Variants in BZW1 observed in about 807,000 individuals in gnomAD.
BZW1 encodes basic leucine zipper and W2 domains 1.
A neutral mutation model predicts 54.1 loss-of-function variants in BZW1; 3 were observed. The ratio of observed to expected loss-of-function variants is 0.06; its 90% CI spans 0.03 to 0.14. The LOEUF is 0.14. BZW1 is among the 10% of genes least tolerant of loss of function. The pLI is 1.00. For synonymous variants in BZW1, 152 were observed against 162.7 expected, an observed-to-expected ratio of 0.93 and a Z score of 0.50; for missense variants, 206 against 491.7, an observed-to-expected ratio of 0.42 and a Z score of 5.50.
intron 5 of BZW1, among the ~76,000 whole-genome samples, chr2:200,816,606 C>G (rs190107852): frequency 1.3e-5 from 2 of 152,308 alleles, no homozygotes; most frequent in East Asian, 3.9e-4. Context: ...ATTCTCGTGC[C>G]TCAGCCTCCC....
rs1167202119 is a variant in BZW1, at chr2:200,824,778, TCTC to T, written c.*2603_*2605del. 7.3e-5 allele frequency: 11 copies of T among 151,498 alleles called. No individual in the cohort carries two copies. Among genetic ancestry groups the T allele is most frequent in the African/African-American group, 2.4e-4 (10 of 41,206 alleles). The allele number at this position is 151,498 out of a possible 1,614,324, so 9.4% of individuals were successfully genotyped here. A position where few individuals can be genotyped will look rare whatever the true frequency, so the allele number is the denominator to read the frequency against. On this transcript the variant is annotated 3_prime_UTR_variant, in exon 12 of 12. Coordinates refer to ENST00000409600, the MANE Select transcript of BZW1 (RefSeq NM_001207067.2). Reference sequence around the variant, plus strand: ...GTTCCGCCTCCCGGGTTCACGCCATTCTCCTGCCTCAGCCTCCCGAGTAGCTGG... The same window carrying T: ...GTTCCGCCTCCCGGGTTCACGCCATTCTGCCTCAGCCTCCCGAGTAGCTGG...
chr2:200,821,764 G>A (rs753064201), intron 11 of BZW1, among the ~76,000 whole-genome samples: 1 of 152,060 alleles, frequency 6.6e-6, no homozygotes, highest in African/African-American at 2.4e-5. Context: ...AATAAAATTC[G>A]TTAACAGCTT....
At position 200,825,793 on chromosome 2, in the gene BZW1, T is replaced by C. The variant is rs2038674589; in HGVS notation, c.*3615T>C. The C allele has an allele frequency of 6.6e-6, 1 of 152,236 alleles. No individual in the cohort carries two copies. The highest frequency in any genetic ancestry group is 2.4e-5 in the African/African-American group (1 of 41,454). 9.4% of individuals were successfully genotyped at this position (152,236 alleles called of 1,614,324 possible). A position where few individuals can be genotyped will look rare whatever the true frequency, so the allele number is the denominator to read the frequency against. On this transcript the variant is annotated 3_prime_UTR_variant, in exon 12 of 12. Transcript: ENST00000409600. ...GGCTGCTTGCAGGAACTGACAACTA[T>C]TGGTTGGCTTTAAATGTAATGTAGA...
chr2:200,825,755 T>G lies in BZW1; in HGVS notation c.*3577T>G, dbSNP rs551560160. 1 of 152,274 alleles carries G rather than the reference T, an allele frequency of 6.6e-6. No individual in the cohort carries two copies. Among genetic ancestry groups the G allele is most frequent in the Non-Finnish European group, 1.5e-5 (1 of 68,050 alleles). 9.4% of individuals were successfully genotyped at this position (152,274 alleles called of 1,614,324 possible). A position where few individuals can be genotyped will look rare whatever the true frequency, so the allele number is the denominator to read the frequency against. On this transcript the variant is annotated 3_prime_UTR_variant, in exon 12 of 12. Transcript: ENST00000409600. ...GCATAACACTGATAAACCTCTGCTC[T>G]CATACTGAAGTAGGCTGCTTGCAGG... is the stretch of plus-strand genomic sequence containing the variant.
rs543598900 is a variant in BZW1 at position 200,817,654 on chromosome 2, A to T, written c.539-320A>T. Among the ~76,000 whole-genome samples, 371 of 151,012 alleles carry T rather than the reference A, an allele frequency of 2.5e-3. 1 individual carries two copies. Among genetic ancestry groups the T allele is most frequent in the South Asian group, 0.016 (75 of 4,768 alleles). ...ATTTTTTTGAAGCTTTTTTTTTTTT[A>T]AAAAACTGCTTGCAGTAGTGAGTAT... On this transcript the variant is annotated intron_variant, in intron 6 of 11. Transcript: ENST00000409600.
At chr2:200,822,096 A>G in intron 11 of BZW1, 51 bp from the exon 12 acceptor site, 21 of 1,512,006 alleles carry the variant, frequency 1.4e-5, no homozygotes, top group East Asian at 2.3e-5. Flanking sequence ...ATAAATGGGA[A>G]CTTTTGCCTT....
Position 200,821,094 on chromosome 2 carries a change from G to A in BZW1, c.1106-89G>A, listed in dbSNP as rs1302360034. On this transcript the variant is annotated intron_variant, in intron 10 of 11. Coordinates refer to ENST00000409600, the MANE Select transcript of BZW1 (RefSeq NM_001207067.2). ...TTTTTAGCTTTTCAGCAGTTTGTTTGCTAAGCAGGCATTTGCACATTAGGT... is the reference window on the plus strand; with the variant it reads ...TTTTTAGCTTTTCAGCAGTTTGTTTACTAAGCAGGCATTTGCACATTAGGT... 5.4e-6 allele frequency: 8 copies of A among 1,475,480 alleles called. No homozygotes were observed. In the African/African-American group the frequency reaches 9.9e-5, roughly 18 times the overall value. The allele number at this position is 1,475,480 out of a possible 1,614,324, so 91.4% of individuals were successfully genotyped here.
intron 6 of BZW1, among the ~76,000 whole-genome samples, chr2:200,817,564 T>C (rs1432290432): frequency 6.6e-6 from 1 of 151,960 alleles, no homozygotes; most frequent in African/African-American, 2.4e-5. Context: ...TTGGGGAAAA[T>C]GTCAAGCTGG....
At position 200,824,944 on chromosome 2, in the gene BZW1, T is replaced by C. The variant is rs1406548658; in HGVS notation, c.*2766T>C. The C allele has an allele frequency of 6.6e-6, 1 of 152,286 alleles. No homozygotes were observed. Among genetic ancestry groups the C allele is most frequent in the Admixed American group, 6.5e-5 (1 of 15,288 alleles). 9.4% of individuals were successfully genotyped at this position (152,286 alleles called of 1,614,324 possible). A position where few individuals can be genotyped will look rare whatever the true frequency, so the allele number is the denominator to read the frequency against. On this transcript the variant is annotated 3_prime_UTR_variant, in exon 12 of 12. Transcript: ENST00000409600. ...GCCTCAGCCTCCCAAAGTGCTGGGATTATGGGCTTGAGCCACCGCGCCCAG... is the reference window on the plus strand; with the variant it reads ...GCCTCAGCCTCCCAAAGTGCTGGGACTATGGGCTTGAGCCACCGCGCCCAG...
rs139532024 is a variant in BZW1 at position 200,812,783 on chromosome 2, C to T, written c.-10-425C>T. 43 of 703,598 alleles carry T rather than the reference C, an allele frequency of 6.1e-5. No homozygotes were observed. The East Asian group carries it at 8.6e-4, about 14-fold the overall frequency. The allele number at this position is 703,598 out of a possible 1,614,324, so 43.6% of individuals were successfully genotyped here. A position where few individuals can be genotyped will look rare whatever the true frequency, so the allele number is the denominator to read the frequency against. ...CAGGCTTGTCAGAAGAAGGGGTTCA[C>T]CTTTTGACAGTGTTTTAGAATTGGC... is the stretch of plus-strand genomic sequence containing the variant. On this transcript the variant is annotated intron_variant, in intron 1 of 11. Coordinates refer to ENST00000409600, the MANE Select transcript of BZW1 (RefSeq NM_001207067.2).
At chr2:200,817,276 CAG>C (rs750069702) in intron 6 of BZW1, 35 bp downstream of exon 6, 28 of 1,605,508 alleles carry the variant, frequency 1.7e-5, no homozygotes, top group Non-Finnish European at 2.2e-5. Flanking sequence ...TCAGTTGACT[CAG>C]AGTGGGGTGG....
rs1205450737 is a variant in BZW1 at position 200,823,920 on chromosome 2, C to T, written c.*1742C>T. On this transcript the variant is annotated 3_prime_UTR_variant, in exon 12 of 12. Coordinates refer to ENST00000409600, the MANE Select transcript of BZW1 (RefSeq NM_001207067.2). Reference sequence around the variant, plus strand: ...TATGTTGTGTGTTCAGATGTCTTTACTGTATCTGTATACCATTAAGTAATA... The same window carrying T: ...TATGTTGTGTGTTCAGATGTCTTTATTGTATCTGTATACCATTAAGTAATA... The T allele has an allele frequency of 6.6e-6, 1 of 151,848 alleles. No individual in the cohort carries two copies. The highest frequency in any genetic ancestry group is 2.4e-5 in the African/African-American group (1 of 41,274). The allele number at this position is 151,848 out of a possible 1,614,324, so 9.4% of individuals were successfully genotyped here.
In BZW1 at chr2:200,822,235, C is replaced by G; in HGVS notation, c.*57C>G. On this transcript the variant is annotated 3_prime_UTR_variant, in exon 12 of 12. Coordinates refer to ENST00000409600, the MANE Select transcript of BZW1 (RefSeq NM_001207067.2). The stretch of plus-strand genomic sequence containing the variant: ...AGGAGTTGTAGATAAAATGTCATGT[C>G]TCATGTGTCCTGGTTCTTACATCTT... The G allele has an allele frequency of 4.9e-6, 7 of 1,434,408 alleles. No individual in the cohort carries two copies. The highest frequency in any genetic ancestry group is 6.8e-6 in the Non-Finnish European group (7 of 1,035,826). 88.9% of individuals were successfully genotyped at this position (1,434,408 alleles called of 1,614,324 possible).
rs2038356676 is a variant in BZW1, at chr2:200,818,034, A to G, written c.599A>G (p.Asn200Ser). ...FKSWINEKDI[N>S]AVAASLRKVS... ...TCATGGATAAATGAAAAAGATATCA[A>G]TGCAGTAGCTGCAAGTCTTCGGAAA... Residue 200 changes from asparagine (N) to serine (S), a missense_variant, in exon 7 of 12, where the codon AAT (asparagine) becomes AGT (serine). Around this residue, in one of 5 missense-constraint regions of BZW1, gnomAD observed 81 missense variants for 257.1 expected, o/e 0.32. Coordinates refer to ENST00000409600, the MANE Select transcript of BZW1 (RefSeq NM_001207067.2). 3 of 1,555,192 alleles carry G rather than the reference A, an allele frequency of 1.9e-6. No homozygotes were observed. The highest frequency in any genetic ancestry group is 8.7e-7 in the Non-Finnish European group (1 of 1,147,984).
chr2:200,821,586 A>G (rs899891114), intron 11 of BZW1, among the ~76,000 whole-genome samples: 9 of 151,664 alleles, frequency 5.9e-5, no homozygotes, highest in African/African-American at 2.2e-4. Flanking sequence ...AAATATAGAG[A>G]CAGAGTCTCA....
intron 1 of BZW1, chr2:200,812,826 C>T (rs754712301): frequency 1.5e-4 from 104 of 673,188 alleles, no homozygotes; most frequent in African/African-American, 2.7e-4. Flanking sequence ...TTTTGGATGC[C>T]TGCTGACTAT....
In BZW1 at chr2:200,815,557, GTATAA is replaced by G. The variant is rs776045276; in HGVS notation, c.241+45_241+49del. 37 of 1,610,190 alleles carry G rather than the reference GTATAA, an allele frequency of 2.3e-5. No homozygotes were observed. The African/African-American group carries it at 3.6e-4, about 16-fold the overall frequency. ...TTTGTGGGCTTAATAATTTAGAAAGGTATAATATATGGAGATTATGGAGAGTCTAG... is the reference window on the plus strand; with the variant it reads ...TTTGTGGGCTTAATAATTTAGAAAGGTATATGGAGATTATGGAGAGTCTAG... On this transcript the variant is annotated intron_variant, in intron 3 of 11. Transcript: ENST00000409600.
rs1559318443 is a variant in BZW1, at chr2:200,826,418, T to TGATAGATAGATAGA, written c.*4240_*4241insGATAGATAGATAGA. The TGATAGATAGATAGA allele has an allele frequency of 6.6e-5, 5 of 76,226 alleles. No individual in the cohort carries two copies. The East Asian group carries it at 2.2e-3, about 34-fold the overall frequency. The allele number at this position is 76,226 out of a possible 1,614,324, so 4.7% of individuals were successfully genotyped here. ...ATAGATAGATAGATATTTTTTTTTT[T>TGATAGATAGATAGA]TTTTTTTTTTTTTTTTTTTTTTTTG... is the stretch of plus-strand genomic sequence containing the variant. On this transcript the variant is annotated 3_prime_UTR_variant, in exon 12 of 12. Coordinates refer to ENST00000409600, the MANE Select transcript of BZW1 (RefSeq NM_001207067.2).
At chr2:200,812,972 A>G (rs2038144758) in intron 1 of BZW1, 5 of 685,252 alleles carry the variant, frequency 7.3e-6, no homozygotes, top group East Asian at 2.9e-5. Flanking sequence ...TGTCGCTTAA[A>G]AGTAGTTCAC....
Sources: gnomAD v4.1 joint callset for allele counts (sites outside exome capture counted in the v4.1 genomes callset) on GRCh38, gnomAD v4.1.1 for gene constraint, gnomAD v4.1.1 regional missense constraint, MANE v1.5 for transcripts, NCBI Gene and HGNC (gene_info 2026-07-23, HGNC 2026-07-21) for gene names.